CSGALNACT1: variants seen among roughly 807,000 people sequenced by gnomAD.
CSGALNACT1 encodes the protein beta4GalNAcT-1.
CSGALNACT1 carries 52 observed loss-of-function variants against 51.0 expected under a neutral mutation model. The observed-to-expected ratio is 1.02, with a 90% confidence interval of 0.82 to 1.29. CSGALNACT1 has a LOEUF of 1.29. Among genes scored for constraint, CSGALNACT1 ranks in the 50% most tolerant of loss-of-function variants. CSGALNACT1 has a pLI of 0.00. For missense variants in CSGALNACT1, 935 were observed against 679.2 expected (o/e 1.38, Z -4.19); for synonymous variants, 341 against 254.4 (o/e 1.34, Z -3.24).
chr8:19,674,035 C>T (rs951697276), intron 1 of CSGALNACT1, among the ~76,000 whole-genome samples: 32 of 152,202 alleles, frequency 2.1e-4, no homozygotes, highest in African/African-American at 7.5e-4. Flanking sequence ...CACCTGTCAT[C>T]CCAACACTTT....
At chr8:19,505,942 G>A (rs768015045) in exon 4 of CSGALNACT1, 32 of 1,308,852 alleles carry the variant, frequency 2.4e-5, no homozygotes, top group African/African-American at 1.0e-4. Context: ...TGGGGCCCCC[G>A]GAGCTGCTTG....
At chr8:19,590,512 C>T (rs2047577516) in intron 3 of CSGALNACT1, among the ~76,000 whole-genome samples, 1 of 152,132 alleles carries the variant, frequency 6.6e-6, no homozygotes, top group Non-Finnish European at 1.5e-5. Context: ...AAGAGATGCA[C>T]ACATCCCACT....
intron 1 of CSGALNACT1, among the ~76,000 whole-genome samples, chr8:19,702,730 A>C (rs933534372): frequency 1.3e-5 from 2 of 151,978 alleles, no homozygotes; most frequent in Non-Finnish European, 2.9e-5. Context: ...ACCCAGTTCC[A>C]TGTGTCTATA....
At chr8:19,438,535 T>C (rs1034745946) in intron 6 of CSGALNACT1, among the ~76,000 whole-genome samples, 1 of 152,224 alleles carries the variant, frequency 6.6e-6, no homozygotes, top group Non-Finnish European at 1.5e-5. Context: ...GTTGCTGGTT[T>C]TAAACTCTTA....
intron 1 of CSGALNACT1, among the ~76,000 whole-genome samples, chr8:19,645,866 A>C (rs2057229135): frequency 1.3e-5 from 2 of 152,160 alleles, no homozygotes; most frequent in East Asian, 3.9e-4. Flanking sequence ...CTCTCTGTCC[A>C]CCCCACACCA....
At chr8:19,475,975 C>G (rs528911932) in intron 4 of CSGALNACT1, among the ~76,000 whole-genome samples, 6 of 152,262 alleles carry the variant, frequency 3.9e-5, no homozygotes. Context: ...CATGACTTGC[C>G]ATGTCCACGA....
At chr8:19,443,369 A>G (rs1309011805) in intron 5 of CSGALNACT1, among the ~76,000 whole-genome samples, 1 of 152,216 alleles carries the variant, frequency 6.6e-6, no homozygotes, top group African/African-American at 2.4e-5. Context: ...TTATGTACAC[A>G]TGTGTACAGT....
At chr8:19,422,474 C>T (rs1585625087) in intron 6 of CSGALNACT1, among the ~76,000 whole-genome samples, 2 of 152,212 alleles carry the variant, frequency 1.3e-5, no homozygotes, top group Admixed American at 1.3e-4. Context: ...TGAGATACCA[C>T]ACCTGGACAA....
Position 19,673,458 on chromosome 8 carries a change from G to C in CSGALNACT1, c.-544+9015C>G, listed in dbSNP as rs550596395. Among the ~76,000 whole-genome samples, 5 of 152,290 alleles carry C rather than the reference G, an allele frequency of 3.3e-5. No homozygotes were observed. The South Asian group carries it at 8.3e-4, about 25-fold the overall frequency. On this transcript the variant is annotated intron_variant, in intron 1 of 9. Coordinates refer to the CSGALNACT1 transcript ENST00000332246. ...CAAACCAAGACGGCAGGGATAATGA[G>C]ACCAAAGTTGCTAGGCACTATGTGG...
intron 1 of CSGALNACT1, among the ~76,000 whole-genome samples, chr8:19,693,682 G>A (rs1469634109): frequency 6.6e-6 from 1 of 151,960 alleles, no homozygotes; most frequent in African/African-American, 2.4e-5. Context: ...TGATCAACCA[G>A]TTTTGATACC....
intron 3 of CSGALNACT1, among the ~76,000 whole-genome samples, chr8:19,576,026 G>C (rs2958577): frequency 6.6e-6 from 1 of 152,106 alleles, no homozygotes; most frequent in African/African-American, 2.4e-5. Flanking sequence ...TAATGGCTCA[G>C]ACAGGAAGAG....
Position 19,444,275 on chromosome 8 carries a change from G to C in CSGALNACT1, c.852-4344C>G, listed in dbSNP as rs1025314509. ...CAACGCAATGTAAATGCTATGTAAA[G>C]TGTTTTTGTTCTGTATCATCTAGGG... On this transcript the variant is annotated intron_variant, in intron 5 of 9. Coordinates refer to ENST00000454498, the Ensembl canonical transcript of CSGALNACT1. Among the ~76,000 whole-genome samples the C allele has an allele frequency of 2.6e-5, 4 of 152,190 alleles. No homozygotes were observed. The South Asian group carries it at 8.3e-4, about 32-fold the overall frequency.
intron 1 of CSGALNACT1, among the ~76,000 whole-genome samples, chr8:19,610,916 A>T (rs1180540376): frequency 6.6e-6 from 1 of 152,208 alleles, no homozygotes; most frequent in Non-Finnish European, 1.5e-5. Context: ...GCACATGCCC[A>T]CTGCGGCTTC....
intron 1 of CSGALNACT1, among the ~76,000 whole-genome samples, chr8:19,720,332 C>T (rs2063051340): frequency 6.6e-6 from 1 of 152,074 alleles, no homozygotes; most frequent in African/African-American, 2.4e-5. Flanking sequence ...TCTCATGTAT[C>T]AGGGAGAGAT....
intron 3 of CSGALNACT1, among the ~76,000 whole-genome samples, chr8:19,540,611 G>A (rs1270407815): frequency 6.6e-6 from 1 of 152,190 alleles, no homozygotes; most frequent in Non-Finnish European, 1.5e-5. Context: ...TGGTGGGCCA[G>A]GTTCTTTGTG....
chr8:19,500,466 T>C (rs1005845217), intron 4 of CSGALNACT1, among the ~76,000 whole-genome samples: 1 of 152,042 alleles, frequency 6.6e-6, no homozygotes. Context: ...AAAGTTGCTA[T>C]CACTGAAATG....
At chr8:19,473,970 T>C (rs2068797838) in intron 4 of CSGALNACT1, among the ~76,000 whole-genome samples, 1 of 152,206 alleles carries the variant, frequency 6.6e-6, no homozygotes, top group Non-Finnish European at 1.5e-5. Context: ...AAAATACAGG[T>C]TCTTGGGCCT....
At chr8:19,735,456 A>C in intron 1 of CSGALNACT1, among the ~76,000 whole-genome samples, 1 of 152,210 alleles carries the variant, frequency 6.6e-6, no homozygotes, top group East Asian at 1.9e-4. Flanking sequence ...AATGACCATA[A>C]GCTCAAATCA....
intron 3 of CSGALNACT1, among the ~76,000 whole-genome samples, chr8:19,512,033 A>G (rs2154014163): frequency 6.6e-6 from 1 of 152,372 alleles, no homozygotes; most frequent in Non-Finnish European, 1.5e-5. Context: ...GGGGATTACA[A>G]TTCAAAATGA....
Sources: allele counts gnomAD v4.1 joint callset (sites outside exome capture counted in the v4.1 genomes callset), GRCh38; gene constraint gnomAD v4.1.1; transcripts MANE v1.5; gene names NCBI Gene and HGNC (gene_info 2026-07-23, HGNC 2026-07-21).